Variants in GNB4 observed in about 807,000 individuals in gnomAD.
The protein encoded by GNB4 is G protein subunit beta 4.
In GNB4, 28 loss-of-function variants were observed where a neutral mutation model predicts 45.2. That is an observed-to-expected ratio of 0.62 (90% confidence interval 0.46 to 0.85). GNB4 has a LOEUF of 0.85. Ranked by LOEUF, GNB4 falls within the 40% of genes least tolerant of loss-of-function variation. The pLI, the probability that GNB4 is intolerant of heterozygous loss-of-function variation, is 0.00. For synonymous variants in GNB4, 132 were observed against 143.7 expected, an observed-to-expected ratio of 0.92 and a Z score of 0.58; for missense variants, 321 against 425.4, an observed-to-expected ratio of 0.75 and a Z score of 2.16.
the GNB4 span, chr3:179,464,311 T>C: frequency 1.6e-6 from 1 of 611,738 alleles, no homozygotes; most frequent in Non-Finnish European, 3.0e-6. Context: ...ATTAAAAATA[T>C]TAAACAGGTC....
At chr3:179,514,338 G>A in the GNB4 span, among the ~76,000 whole-genome samples, 4 of 152,166 alleles carry the variant, frequency 2.6e-5, no homozygotes, top group Non-Finnish European at 5.9e-5. Context: ...AGCAAACAAC[G>A]CTTGATGAAT....
At chr3:179,462,476 T>A in the GNB4 span, among the ~76,000 whole-genome samples, 2 of 152,204 alleles carry the variant, frequency 1.3e-5, no homozygotes, top group Non-Finnish European at 2.9e-5. Context: ...CTTGCCTCTG[T>A]CACTTATGAG....
chr3:179,462,526 C>G, the GNB4 span, among the ~76,000 whole-genome samples: 1 of 152,130 alleles, frequency 6.6e-6, no homozygotes, highest in African/African-American at 2.4e-5. Flanking sequence ...TTCTGAACTT[C>G]TTTTTTAAAA....
intron 1 of GNB4, among the ~76,000 whole-genome samples, chr3:179,447,346 T>TAAA (rs33953450): frequency 4.1e-4 from 50 of 121,356 alleles, no homozygotes; most frequent in Middle Eastern, 4.1e-3. Context: ...ATCATGGTAT[T>TAAA]AAAAAAAAAA....
chr3:179,440,657 TAATA>T (rs1215536010), intron 1 of GNB4, among the ~76,000 whole-genome samples: 1 of 152,150 alleles, frequency 6.6e-6, no homozygotes, highest in African/African-American at 2.4e-5. Context: ...TGAACACGGT[TAATA>T]ATTAGGGGTT....
intron 1 of GNB4, among the ~76,000 whole-genome samples, chr3:179,440,341 C>T (rs190824921): frequency 6.6e-6 from 1 of 152,118 alleles, no homozygotes; most frequent in African/African-American, 2.4e-5. Context: ...AATATTCATG[C>T]TACCTGAAAA....
At chr3:179,469,470 G>A in the GNB4 span, among the ~76,000 whole-genome samples, 3 of 152,140 alleles carry the variant, frequency 2.0e-5, no homozygotes, top group Non-Finnish European at 2.9e-5. Flanking sequence ...AACAAACTAT[G>A]AAAACATATT....
At chr3:179,419,754 G>A (rs1257727674) in intron 3 of GNB4, among the ~76,000 whole-genome samples, 1 of 152,040 alleles carries the variant, frequency 6.6e-6, no homozygotes. Context: ...AATGCCTTCT[G>A]CAGACTATTA....
At chr3:179,477,338 C>T in the GNB4 span, among the ~76,000 whole-genome samples, 1 of 152,152 alleles carries the variant, frequency 6.6e-6, no homozygotes, top group South Asian at 2.1e-4. Context: ...AGGGTAGCCA[C>T]ACAGCTCCTT....
At chr3:179,498,531 G>C in the GNB4 span, among the ~76,000 whole-genome samples, 1 of 152,126 alleles carries the variant, frequency 6.6e-6, no homozygotes, top group African/African-American at 2.4e-5. Flanking sequence ...CCACCTTCTG[G>C]GTTCAAGCGA....
chr3:179,432,701 A>T (rs1466086483), intron 1 of GNB4, among the ~76,000 whole-genome samples: 1 of 152,214 alleles, frequency 6.6e-6, no homozygotes, highest in Non-Finnish European at 1.5e-5. Context: ...ATAGTTTAGT[A>T]AGTAGCTCCC....
At chr3:179,465,948 C>A in the GNB4 span, among the ~76,000 whole-genome samples, 1 of 151,220 alleles carries the variant, frequency 6.6e-6, no homozygotes, top group Non-Finnish European at 1.5e-5. Context: ...AGGCATGGGC[C>A]ACCCACGCCC....
chr3:179,400,529 G>C lies in GNB4; in HGVS notation c.*684C>G, dbSNP rs1051928796. ...TTACCTACTTTTTATTAATTATAATGATGTTTCTTATGTATGTCCAAAATA... is the reference window on the plus strand; with the variant it reads ...TTACCTACTTTTTATTAATTATAATCATGTTTCTTATGTATGTCCAAAATA... On this transcript the variant is annotated 3_prime_UTR_variant, in exon 10 of 10. Coordinates refer to ENST00000232564, the MANE Select transcript of GNB4 (RefSeq NM_021629.4). 48 of 150,636 alleles carry C rather than the reference G, an allele frequency of 3.2e-4. No homozygotes were observed. The highest frequency in any genetic ancestry group is 1.2e-3 in the African/African-American group (47 of 40,014). The allele number at this position is 150,636 out of a possible 1,614,324, so 9.3% of individuals were successfully genotyped here. A position where few individuals can be genotyped will look rare whatever the true frequency, so the allele number is the denominator to read the frequency against.
chr3:179,518,752 C>G, the GNB4 span, among the ~76,000 whole-genome samples: 2 of 152,126 alleles, frequency 1.3e-5, no homozygotes, highest in Admixed American at 1.3e-4. Context: ...TCTTTTTCAT[C>G]AAATATAAAA....
rs1714272914 is a variant in GNB4 at position 179,400,804 on chromosome 3, T to G, written c.*409A>C. On this transcript the variant is annotated 3_prime_UTR_variant, in exon 10 of 10. Transcript: ENST00000232564. ...ACATACAGTATCATTTCTGTCTGTT[T>G]CTGTGCCTGGTTCTTCCATTACAAA... 1 of 154,098 alleles carries G rather than the reference T, an allele frequency of 6.5e-6. No homozygotes were observed. Among genetic ancestry groups the G allele is most frequent in the Non-Finnish European group, 1.4e-5 (1 of 69,406 alleles). The allele number at this position is 154,098 out of a possible 1,614,324, so 9.5% of individuals were successfully genotyped here.
chr3:179,419,663 T>A (rs892774981), intron 3 of GNB4, among the ~76,000 whole-genome samples, 158 bp from the exon 4 acceptor site: 2 of 152,180 alleles, frequency 1.3e-5, no homozygotes, highest in African/African-American at 4.8e-5. Flanking sequence ...CGTTATGGGA[T>A]CAATATGTTC....
At chr3:179,440,909 T>C (rs150356530) in intron 1 of GNB4, among the ~76,000 whole-genome samples, 2,154 of 139,638 alleles carry the variant, frequency 0.015, 33 homozygotes, top group South Asian at 0.057. Flanking sequence ...AGAGATACAA[T>C]AGCAGCTTGA....
chr3:179,494,303 A>G, the GNB4 span, among the ~76,000 whole-genome samples: 1 of 151,828 alleles, frequency 6.6e-6, no homozygotes, highest in African/African-American at 2.4e-5. Flanking sequence ...AAGAGAGAGG[A>G]AGGAAGGAAG....
the GNB4 span, among the ~76,000 whole-genome samples, chr3:179,474,033 G>A: frequency 0.71 from 107,252 of 151,884 alleles, 38,130 homozygotes; most frequent in East Asian, 0.98. Context: ...GCTTAAAAAA[G>A]TAATAATTGG....
Sources: allele counts gnomAD v4.1 joint callset (sites outside exome capture counted in the v4.1 genomes callset), GRCh38; gene constraint gnomAD v4.1.1; transcripts MANE v1.5; gene names NCBI Gene and HGNC (gene_info 2026-07-23, HGNC 2026-07-21).